Variants in CPA6 observed in about 807,000 individuals in gnomAD.
The protein encoded by CPA6 is carboxypeptidase A6.
Under a neutral mutation model 63.3 loss-of-function variants are expected in CPA6, and 58 were observed. The observed-to-expected ratio is 0.92, with a 90% CI of 0.74 to 1.14. The LOEUF is 1.14. Among genes scored for constraint, CPA6 ranks in the 50% most tolerant of loss-of-function variants. The probability of loss-of-function intolerance (pLI) is 0.00; values close to 1 mark genes in which losing one functional copy is unlikely to be tolerated. For missense variants in CPA6, 565 were observed against 526.6 expected (o/e 1.07, Z -0.71); for synonymous variants, 185 against 179.0 (o/e 1.03, Z -0.27).
rs747276469 is a variant in CPA6, at chr8:67,746,149, T to C, written c.-20A>G. 4.0e-5 allele frequency: 64 copies of C among 1,585,228 alleles called. No individual in the cohort carries two copies. The African/African-American group carries it at 7.2e-4, about 18-fold the overall frequency. ...CTTCATAGTGTTAAGAAGAGAGGAG[T>C]TGAAAGTTACTTAAGCAGCCACCCG... On this transcript the variant is annotated 5_prime_UTR_variant, in exon 1 of 11. Coordinates refer to ENST00000297770, the MANE Select transcript of CPA6 (RefSeq NM_020361.5).
intron 8 of CPA6, among the ~76,000 whole-genome samples, chr8:67,437,887 T>C (rs1000042291): frequency 6.7e-6 from 1 of 149,738 alleles, no homozygotes; most frequent in African/African-American, 2.5e-5. Context: ...TTTGAAGAAC[T>C]GCTAATTAAA....
chr8:67,440,340 G>A (rs1217765330), intron 8 of CPA6, among the ~76,000 whole-genome samples: 1 of 152,150 alleles, frequency 6.6e-6, no homozygotes, highest in Non-Finnish European at 1.5e-5. Flanking sequence ...GGAGGCTGAA[G>A]CGGGCGGATC....
chr8:67,662,415 A>G (rs1816130995), intron 1 of CPA6, among the ~76,000 whole-genome samples: 1 of 148,806 alleles, frequency 6.7e-6, no homozygotes, highest in Non-Finnish European at 1.5e-5. Context: ...ACACACGTAT[A>G]TGTATATATA....
At position 67,506,698 on chromosome 8, in the gene CPA6, G is replaced by T. The variant is rs988123159; in HGVS notation, c.636+89C>A. 1.1e-5 allele frequency: 9 copies of T among 819,278 alleles called. No individual in the cohort carries two copies. The African/African-American group carries it at 1.2e-4, about 11-fold the overall frequency. 50.8% of individuals were successfully genotyped at this position (819,278 alleles called of 1,614,324 possible). Reference sequence around the variant, plus strand: ...ACTGTTATTCAATCAGGTATCATTGGTTTCAAATTCCCACTTTGTTAAGCA... The same window carrying T: ...ACTGTTATTCAATCAGGTATCATTGTTTTCAAATTCCCACTTTGTTAAGCA... On this transcript the variant is annotated intron_variant, in intron 6 of 10. Coordinates refer to ENST00000297770, the MANE Select transcript of CPA6 (RefSeq NM_020361.5).
chr8:67,464,849 T>G (rs1189108544), intron 8 of CPA6, among the ~76,000 whole-genome samples: 1 of 152,206 alleles, frequency 6.6e-6, no homozygotes, highest in Non-Finnish European at 1.5e-5. Context: ...GGGTTCTCTA[T>G]TTTGTTCCAT....
chr8:67,472,236 T>C (rs1214817287), intron 8 of CPA6, among the ~76,000 whole-genome samples: 1 of 152,052 alleles, frequency 6.6e-6, no homozygotes, highest in Non-Finnish European at 1.5e-5. Context: ...CAGTACCAAA[T>C]AAAAAATCAG....
intron 1 of CPA6, among the ~76,000 whole-genome samples, chr8:67,626,742 T>C (rs1285793396): frequency 6.6e-6 from 1 of 152,202 alleles, no homozygotes; most frequent in Non-Finnish European, 1.5e-5. Context: ...GGCTGGGTGA[T>C]ATGGCTGTTT....
At chr8:67,690,619 C>T (rs1025560702) in intron 1 of CPA6, among the ~76,000 whole-genome samples, 12 of 152,048 alleles carry the variant, frequency 7.9e-5, no homozygotes, top group African/African-American at 2.9e-4. Context: ...ATATAAACAG[C>T]TACATCAACC....
At chr8:67,695,750 A>G (rs1816901464) in intron 1 of CPA6, among the ~76,000 whole-genome samples, 1 of 152,232 alleles carries the variant, frequency 6.6e-6, no homozygotes, top group Non-Finnish European at 1.5e-5. Context: ...AAGTTTCTCC[A>G]GAAGGCTCTA....
At chr8:67,580,900 G>A (rs1245806797) in intron 2 of CPA6, among the ~76,000 whole-genome samples, 1 of 152,108 alleles carries the variant, frequency 6.6e-6, no homozygotes, top group African/African-American at 2.4e-5. Context: ...TGTGTTGGCG[G>A]TCTTAGTTTT....
intron 1 of CPA6, among the ~76,000 whole-genome samples, chr8:67,672,346 C>T (rs1033236693): frequency 4.6e-5 from 7 of 152,084 alleles, no homozygotes; most frequent in African/African-American, 7.2e-5. Context: ...TCTTCCAATG[C>T]GTACAAACTT....
At chr8:67,737,202 C>A (rs1394602207) in intron 1 of CPA6, among the ~76,000 whole-genome samples, 1 of 152,196 alleles carries the variant, frequency 6.6e-6, no homozygotes, top group African/African-American at 2.4e-5. Flanking sequence ...CCTCCCGCCT[C>A]CTGACTCCCT....
chr8:67,704,658 C>T (rs1350036786), intron 1 of CPA6, among the ~76,000 whole-genome samples: 2 of 152,186 alleles, frequency 1.3e-5, no homozygotes, highest in African/African-American at 4.8e-5. Context: ...ATTCCAGTAT[C>T]TCCTCTGTTC....
intron 2 of CPA6, among the ~76,000 whole-genome samples, chr8:67,615,945 T>C (rs1814937196): frequency 6.6e-6 from 1 of 152,200 alleles, no homozygotes; most frequent in Admixed American, 6.5e-5. Flanking sequence ...AAATTACAAC[T>C]GGTTCAGTAT....
At chr8:67,505,889 C>A (rs1380822662) in intron 6 of CPA6, among the ~76,000 whole-genome samples, 2 of 152,058 alleles carry the variant, frequency 1.3e-5, no homozygotes, top group African/African-American at 4.8e-5. Flanking sequence ...ACTTAAATAT[C>A]CTTTGTGTCT....
chr8:67,603,652 T>C (rs1389244987), intron 2 of CPA6, among the ~76,000 whole-genome samples: 1 of 152,222 alleles, frequency 6.6e-6, no homozygotes, highest in Non-Finnish European at 1.5e-5. Context: ...TACAATCACC[T>C]GGGGTTGTGG....
intron 10 of CPA6, among the ~76,000 whole-genome samples, chr8:67,426,215 C>A (rs1353644255): frequency 1.3e-5 from 2 of 152,196 alleles, no homozygotes; most frequent in African/African-American, 4.8e-5. Flanking sequence ...ATGATCCACC[C>A]GCTTTGGCCT....
intron 1 of CPA6, among the ~76,000 whole-genome samples, chr8:67,677,528 A>G (rs1816502683): frequency 1.3e-5 from 2 of 152,134 alleles, no homozygotes; most frequent in Admixed American, 1.3e-4. Context: ...TATACAGATT[A>G]AAAAGCCAAC....
chr8:67,732,294 A>G (rs1160611711), intron 1 of CPA6, among the ~76,000 whole-genome samples: 1 of 152,104 alleles, frequency 6.6e-6, no homozygotes, highest in Non-Finnish European at 1.5e-5. Context: ...GTTTTTCACT[A>G]CTTGTCATTG....
Sources: gnomAD v4.1 joint callset for allele counts (sites outside exome capture counted in the v4.1 genomes callset) on GRCh38, gnomAD v4.1.1 for gene constraint, MANE v1.5 for transcripts, NCBI Gene and HGNC (gene_info 2026-07-23, HGNC 2026-07-21) for gene names.